The following COX7B2 variants were observed in gnomAD, a reference collection of about 807,000 sequenced individuals.
COX7B2 encodes cytochrome c oxidase subunit 7B2.
For synonymous variants in COX7B2, 37 were observed against 32.1 expected, an observed-to-expected ratio of 1.15 and a Z score of -0.51; for missense variants, 109 against 95.9, an observed-to-expected ratio of 1.14 and a Z score of -0.57.
At chr4:46,745,159 C>T (rs1213731010) in intron 2 of COX7B2, among the ~76,000 whole-genome samples, 1 of 152,178 alleles carries the variant, frequency 6.6e-6, no homozygotes, top group African/African-American at 2.4e-5. Flanking sequence ...TAAAACTACC[C>T]ATTTAGATTG....
chr4:46,903,560 T>C (rs1720195304), intron 1 of COX7B2, among the ~76,000 whole-genome samples: 1 of 152,168 alleles, frequency 6.6e-6, no homozygotes, highest in East Asian at 1.9e-4. Flanking sequence ...ATTTACTCAC[T>C]ACTCACTCAC....
chr4:46,845,590 A>C (rs950527361), intron 1 of COX7B2, among the ~76,000 whole-genome samples: 5 of 152,026 alleles, frequency 3.3e-5, no homozygotes, highest in Admixed American at 6.6e-5. Context: ...TTTAGAGTAT[A>C]TGTGCATAAC....
intron 2 of COX7B2, among the ~76,000 whole-genome samples, chr4:46,747,077 G>C (rs1715063397): frequency 6.6e-6 from 1 of 152,030 alleles, no homozygotes; most frequent in South Asian, 2.1e-4. Flanking sequence ...TCTGGAGTAA[G>C]TTTACCTATA....
chr4:46,864,648 G>C (rs895242246), intron 1 of COX7B2, among the ~76,000 whole-genome samples: 1 of 150,814 alleles, frequency 6.6e-6, no homozygotes. Context: ...GTTGTTTTTT[G>C]TTTGTTTGTT....
At chr4:46,894,858 C>T (rs1719654292) in intron 1 of COX7B2, among the ~76,000 whole-genome samples, 1 of 152,130 alleles carries the variant, frequency 6.6e-6, no homozygotes, top group East Asian at 1.9e-4. Flanking sequence ...GACATACATG[C>T]ATCCAAGAAG....
intron 1 of COX7B2, among the ~76,000 whole-genome samples, chr4:46,883,827 A>AACTT (rs1283366914): frequency 6.6e-6 from 1 of 152,024 alleles, no homozygotes; most frequent in African/African-American, 2.4e-5. Flanking sequence ...AAGGTCTCAA[A>AACTT]ACTTAAATAA....
intron 2 of COX7B2, among the ~76,000 whole-genome samples, chr4:46,839,307 C>A (rs1195738898): frequency 6.6e-6 from 1 of 151,966 alleles, no homozygotes; most frequent in East Asian, 1.9e-4. Context: ...CTGTTTACTG[C>A]CCTCATTGTT....
At chr4:46,905,815 T>TTTTTC (rs1491235082) in intron 1 of COX7B2, among the ~76,000 whole-genome samples, 182 of 13,708 alleles carry the variant, frequency 0.013, 5 homozygotes, top group African/African-American at 0.072. Flanking sequence ...CATATATTTC[T>TTTTTC]TTTTTTTTTT....
At chr4:46,800,552 T>C (rs533981670) in intron 2 of COX7B2, among the ~76,000 whole-genome samples, 1 of 152,308 alleles carries the variant, frequency 6.6e-6, no homozygotes, top group South Asian at 2.1e-4. Flanking sequence ...GCTAGCCATA[T>C]GCAGAAGATT....
chr4:46,784,590 A>T (rs1422900511), intron 2 of COX7B2, among the ~76,000 whole-genome samples: 1 of 152,140 alleles, frequency 6.6e-6, no homozygotes, highest in Non-Finnish European at 1.5e-5. Flanking sequence ...GCACCATTGC[A>T]CTCTAGTCTG....
At chr4:46,845,400 C>T (rs1716200609) in intron 1 of COX7B2, among the ~76,000 whole-genome samples, 1 of 151,928 alleles carries the variant, frequency 6.6e-6, no homozygotes, top group African/African-American at 2.4e-5. Context: ...TTCTCAGCAA[C>T]TTCCTTCATG....
In COX7B2 at chr4:46,782,522, G is replaced by A. The variant is rs141830616; in HGVS notation, c.-49-47281C>T. On this transcript the variant is annotated intron_variant, in intron 2 of 2. Transcript: ENST00000355591. The stretch of plus-strand genomic sequence containing the variant: ...CCAATCAGCAGGATGTTGGGGGCGG[G>A]GGTCCCATAAGAGAATAAAAGCAGG... Among the ~76,000 whole-genome samples, 403 of 151,186 alleles carry A rather than the reference G, an allele frequency of 2.7e-3. 1 individual carries two copies. Among genetic ancestry groups the A allele is most frequent in the African/African-American group, 8.5e-3 (349 of 41,062 alleles).
At chr4:46,777,104 T>C (rs1240249366) in intron 2 of COX7B2, among the ~76,000 whole-genome samples, 1 of 152,152 alleles carries the variant, frequency 6.6e-6, no homozygotes, top group Non-Finnish European at 1.5e-5. Flanking sequence ...AGTAAGCTCA[T>C]GCCATGGTCA....
intron 2 of COX7B2, among the ~76,000 whole-genome samples, chr4:46,822,853 G>A (rs1311084210): frequency 6.6e-6 from 1 of 152,084 alleles, no homozygotes; most frequent in African/African-American, 2.4e-5. Context: ...AAAATAGCTA[G>A]AAAGAACTTC....
rs13110516 is a variant in COX7B2 at position 46,905,001 on chromosome 4, C to A, written c.-105+4159G>T. Among the ~76,000 whole-genome samples the A allele has an allele frequency of 2.0e-5, 3 of 152,010 alleles. No individual in the cohort carries two copies. The East Asian group carries it at 5.8e-4, about 29-fold the overall frequency. ...TCTGAAGCCAGATTGCCTAAGTCTA[C>A]TTCTGCCACTTTCAAATTAAAACCT... On this transcript the variant is annotated intron_variant, in intron 1 of 2. Transcript: ENST00000355591.
rs142373282 is a variant in COX7B2 at position 46,863,846 on chromosome 4, C to A, written c.-104-18832G>T. 1.0e-3 allele frequency among the ~76,000 whole-genome samples: 157 copies of A among 151,910 alleles called. 1 individual carries two copies. In the East Asian group the frequency reaches 0.014, roughly 14 times the overall value. On this transcript the variant is annotated intron_variant, in intron 1 of 2. Transcript: ENST00000355591. ...GCTGTTCTTGAAACTTTATATTTGACCTTTGTTTTTTAATTCTTAGATTGC... is the reference window on the plus strand; with the variant it reads ...GCTGTTCTTGAAACTTTATATTTGAACTTTGTTTTTTAATTCTTAGATTGC...
At chr4:46,814,208 T>G (rs1719434106) in intron 2 of COX7B2, among the ~76,000 whole-genome samples, 1 of 152,230 alleles carries the variant, frequency 6.6e-6, no homozygotes, top group Non-Finnish European at 1.5e-5. Flanking sequence ...GGGACGGTTT[T>G]TAAAGACTTA....
chr4:46,814,913 C>T (rs531816446), intron 2 of COX7B2, among the ~76,000 whole-genome samples: 30 of 152,152 alleles, frequency 2.0e-4, no homozygotes, highest in African/African-American at 6.7e-4. Context: ...GGGCCAGGCA[C>T]GTTGGCTCAT....
chr4:46,787,722 C>CT (rs1370972877), intron 2 of COX7B2, among the ~76,000 whole-genome samples: 2 of 152,300 alleles, frequency 1.3e-5, no homozygotes, highest in East Asian at 3.9e-4. Context: ...ACCTAGGCAC[C>CT]TGCTCAGCAA....
Sources: gnomAD v4.1 joint callset for allele counts (sites outside exome capture counted in the v4.1 genomes callset) on GRCh38, gnomAD v4.1.1 for gene constraint, MANE v1.5 for transcripts, NCBI Gene and HGNC (gene_info 2026-07-23, HGNC 2026-07-21) for gene names.